The following SLC35B2 variants were observed in gnomAD, a reference collection of about 807,000 sequenced individuals.
The protein encoded by SLC35B2 is adenosine 3'-phospho 5'-phosphosulfate transporter 1.
SLC35B2 carries 19 observed loss-of-function variants against 37.9 expected under a neutral mutation model. The ratio of observed to expected loss-of-function variants is 0.50; its 90% CI spans 0.35 to 0.74. The LOEUF (loss-of-function observed/expected upper bound fraction) is 0.74, where lower values mean the gene tolerates loss of function less well. Ranked by LOEUF, SLC35B2 falls within the 30% of genes least tolerant of loss-of-function variation. The pLI is 0.01. For missense variants in SLC35B2, 633 were observed against 547.6 expected (o/e 1.16, Z -1.56); for synonymous variants, 277 against 225.2 (o/e 1.23, Z -2.06).
rs1781331687 is a variant in SLC35B2, at chr6:44,255,556, G to A, written c.449C>T (p.Thr150Met). Residue 150 changes from threonine to methionine, a missense_variant, in exon 4 of 4, where the codon ACG (threonine) becomes ATG (methionine). Thr to Met is a moderately conservative substitution (Grantham distance 81). Transcript: ENST00000393812. Reference sequence around the variant, plus strand: ...CATTAGCACCAGGAACTGCGAGTCCGTAAAGCGCTCACCCGGTGATGTGGC... The same window carrying A: ...CATTAGCACCAGGAACTGCGAGTCCATAAAGCGCTCACCCGGTGATGTGGC... Reference protein sequence around the residue: ...ATATSPGERFTDSQFLVLMNR... With the variant: ...ATATSPGERFMDSQFLVLMNR... 7 of 1,614,216 alleles carry A rather than the reference G, an allele frequency of 4.3e-6. No individual in the cohort carries two copies. Among genetic ancestry groups the A allele is most frequent in the East Asian group, 2.2e-5 (1 of 44,880 alleles).
chr6:44,257,286 T>A, intron 1 of SLC35B2, 114 bp downstream of exon 1: 1 of 1,172,786 alleles, frequency 8.5e-7, no homozygotes, highest in Non-Finnish European at 1.1e-6. Context: ...CGGGCAGCGA[T>A]ATGCTGGCCG....
rs934034301 is a variant in SLC35B2, at chr6:44,254,725, G to A, written c.1280C>T (p.Ser427Phe). The A allele has an allele frequency of 1.2e-6, 2 of 1,612,502 alleles. No individual in the cohort carries two copies. The highest frequency in any genetic ancestry group is 2.7e-5 in the African/African-American group (2 of 74,884). Reference protein sequence around the residue: ...QRGKKAVPVESPVQKV With the variant: ...QRGKKAVPVEFPVQKV ...CCACCCTCAAACCTTCTGCACAGGAGACTCAACAGGCACAGCCTTCTTTCC... is the reference window on the plus strand; with the variant it reads ...CCACCCTCAAACCTTCTGCACAGGAAACTCAACAGGCACAGCCTTCTTTCC... The change falls in exon 4 of 4, where the codon TCT becomes TTT. Residue 427 changes from serine to phenylalanine, a missense_variant. Ser to Phe is a radical substitution (Grantham distance 155, BLOSUM62 -2). Coordinates refer to ENST00000393812, the MANE Select transcript of SLC35B2 (RefSeq NM_178148.4).
chr6:44,255,350 T>TA lies in SLC35B2; in HGVS notation c.654dup (p.Lys219Ter), dbSNP rs1340715865. 2.5e-6 allele frequency: 4 copies of TA among 1,614,102 alleles called. No individual in the cohort carries two copies. Among genetic ancestry groups the TA allele is most frequent in the Non-Finnish European group, 3.4e-6 (4 of 1,180,034 alleles). ...CCCATCAGCATGACAGGGATCACCT[T>TA]AGAGGCCTTGGCCAGCACCTGGGTG... On this transcript the variant is annotated frameshift_variant, in exon 4 of 4. Transcript: ENST00000393812. LOFTEE classifies it high-confidence loss of function.
chr6:44,255,815 T>C (rs1165541880), intron 3 of SLC35B2, among the ~76,000 whole-genome samples, 171 bp from the exon 4 acceptor site: 3 of 152,200 alleles, frequency 2.0e-5, no homozygotes, highest in Non-Finnish European at 4.4e-5. Flanking sequence ...ATTCACCTTG[T>C]AGGGAATCAA....
Position 44,254,166 on chromosome 6 carries a change from C to G in SLC35B2, c.*540G>C. The G allele has an allele frequency of 4.6e-6, 1 of 217,108 alleles. No homozygotes were observed. The highest frequency in any genetic ancestry group is 1.2e-4 in the East Asian group (1 of 8,260). The allele number at this position is 217,108 out of a possible 1,614,324, so 13.4% of individuals were successfully genotyped here. The stretch of plus-strand genomic sequence containing the variant: ...AGCAAAAAGTTACATTTCTAAAGTA[C>G]CAAAACCTGCAACAGGCTCATGGAA... On this transcript the variant is annotated 3_prime_UTR_variant, in exon 4 of 4. Coordinates refer to ENST00000393812, the MANE Select transcript of SLC35B2 (RefSeq NM_178148.4).
chr6:44,257,144 G>A (rs1382110319), intron 1 of SLC35B2: 3 of 527,270 alleles, frequency 5.7e-6, no homozygotes, highest in Non-Finnish European at 9.5e-6. Flanking sequence ...CTAGCCGGCT[G>A]CTCAGGTCAG....
Position 44,255,239 on chromosome 6 carries a change from A to G in SLC35B2, c.766T>C (p.Ser256Pro). 6.2e-7 allele frequency: 1 copy of G among 1,614,250 alleles called. No homozygotes were observed. The highest frequency in any genetic ancestry group is 8.5e-7 in the Non-Finnish European group (1 of 1,180,036). The change falls in exon 4 of 4, where the codon TCC becomes CCC. Residue 256 changes from serine (S) to proline (P), a missense_variant. Coordinates refer to ENST00000393812, the MANE Select transcript of SLC35B2 (RefSeq NM_178148.4). ...ISIGVSMFLL[S>P]SGPEPRSSPA... ...GAGCTGCGGGGCTCTGGTCCGCTGG[A>G]TAGCAGAAACATGCTGACCCCAATG...
At chr6:44,257,308 G>A in intron 1 of SLC35B2, 92 bp downstream of exon 1, 8 of 1,278,628 alleles carry the variant, frequency 6.3e-6, no homozygotes, top group Non-Finnish European at 5.0e-6. Context: ...CGGCCGAGCA[G>A]CCGGGACCCC....
At position 44,255,220 on chromosome 6, in the gene SLC35B2, C is replaced by G. The variant is rs369957012; in HGVS notation, c.785G>C (p.Arg262Pro). 20 of 1,614,076 alleles carry G rather than the reference C, an allele frequency of 1.2e-5. No homozygotes were observed. Among genetic ancestry groups the G allele is most frequent in the Non-Finnish European group, 1.6e-5 (19 of 1,180,020 alleles). ...MFLLSSGPEP[R>P]SSPATTLSGL... is the part of the protein sequence containing the mutation. Reference sequence around the variant, plus strand: ...TGAGAGTGTGGTGGCTGGGGAGCTGCGGGGCTCTGGTCCGCTGGATAGCAG... The same window carrying G: ...TGAGAGTGTGGTGGCTGGGGAGCTGGGGGGCTCTGGTCCGCTGGATAGCAG... Residue 262 changes from arginine (R) to proline (P), a missense_variant, in exon 4 of 4, where the codon CGC becomes CCC. By Grantham distance (103) the Arg-to-Pro change is moderately radical. Transcript: ENST00000393812.
chr6:44,256,333 C>G lies in SLC35B2; in HGVS notation c.360+9G>C. ...AACCCAGGAAGAGAGGCTGAGCCCACCTACCCACCTGGAGCCCTGTGGCAC... is the reference window on the plus strand; with the variant it reads ...AACCCAGGAAGAGAGGCTGAGCCCAGCTACCCACCTGGAGCCCTGTGGCAC... On this transcript the variant is annotated intron_variant, in intron 3 of 3. Coordinates refer to ENST00000393812, the MANE Select transcript of SLC35B2 (RefSeq NM_178148.4). 1 of 1,599,342 alleles carries G rather than the reference C, an allele frequency of 6.3e-7. No homozygotes were observed. The highest frequency in any genetic ancestry group is 8.5e-7 in the Non-Finnish European group (1 of 1,173,122).
At position 44,255,335 on chromosome 6, in the gene SLC35B2, T is replaced by A. The variant is rs745850555; in HGVS notation, c.670A>T (p.Met224Leu). 5 of 1,614,232 alleles carry A rather than the reference T, an allele frequency of 3.1e-6. No homozygotes were observed. The Admixed American group carries it at 8.3e-5, about 27-fold the overall frequency. Residue 224 changes from methionine (M) to leucine (L), a missense_variant, in exon 4 of 4, where the codon ATG becomes TTG. Transcript: ENST00000393812. Reference sequence around the variant, plus strand: ...CGAGACACAAGCTTTCCCATCAGCATGACAGGGATCACCTTAGAGGCCTTG... The same window carrying A: ...CGAGACACAAGCTTTCCCATCAGCAAGACAGGGATCACCTTAGAGGCCTTG... ...LAKASKVIPV[M>L]LMGKLVSRRS...
chr6:44,255,321 C>A lies in SLC35B2; in HGVS notation c.684G>T (p.Lys228Asn). The A allele has an allele frequency of 6.2e-7, 1 of 1,614,258 alleles. No individual in the cohort carries two copies. ...GTTCGTAGCTGCGCCGAGACACAAG[C>A]TTTCCCATCAGCATGACAGGGATCA... ...SKVIPVMLMGKLVSRRSYEHW... is the reference protein window; with the variant it reads ...SKVIPVMLMGNLVSRRSYEHW... Residue 228 changes from lysine (K) to asparagine (N), a missense_variant, in exon 4 of 4, where the codon AAG becomes AAT. Coordinates refer to ENST00000393812, the MANE Select transcript of SLC35B2 (RefSeq NM_178148.4).
chr6:44,254,385 A>AGCT lies in SLC35B2; in HGVS notation c.*318_*320dup. ...GTGAGTCTGGAAGGTGGCAGAGCAC[A>AGCT]GCTAGGGCAAGACTTAAGGGAACTT... On this transcript the variant is annotated 3_prime_UTR_variant, in exon 4 of 4. Coordinates refer to ENST00000393812, the MANE Select transcript of SLC35B2 (RefSeq NM_178148.4). 2 of 310,074 alleles carry AGCT rather than the reference A, an allele frequency of 6.5e-6. No homozygotes were observed. Among genetic ancestry groups the AGCT allele is most frequent in the Non-Finnish European group, 1.2e-5 (2 of 164,928 alleles). The allele number at this position is 310,074 out of a possible 1,614,324, so 19.2% of individuals were successfully genotyped here.
chr6:44,256,777 C>T lies in SLC35B2; in HGVS notation c.113G>A (p.Arg38Gln). The part of the protein sequence containing the change: ...PESWTQLWFF[R>Q]FVVNAAGYAS... ...ATAGCCAGCAGCATTCACCACAAAT[C>T]GGAAGAACCATAGCTGGGTCCATGA... The change falls in exon 2 of 4, where the codon CGA (arginine) becomes CAA (glutamine). Residue 38 changes from arginine to glutamine, a missense_variant. Arg to Gln is a conservative substitution (Grantham distance 43). Coordinates refer to ENST00000393812, the MANE Select transcript of SLC35B2 (RefSeq NM_178148.4). 2 of 1,614,200 alleles carry T rather than the reference C, an allele frequency of 1.2e-6. No individual in the cohort carries two copies. Among genetic ancestry groups the T allele is most frequent in the Non-Finnish European group, 8.5e-7 (1 of 1,180,032 alleles).
intron 1 of SLC35B2, 23 bp downstream of exon 1, chr6:44,257,377 C>T (rs1450249335): frequency 7.6e-7 from 1 of 1,321,052 alleles, no homozygotes; most frequent in Non-Finnish European, 9.7e-7. Flanking sequence ...GTCACGTGAG[C>T]TCGCTGCTGC....
chr6:44,256,305 T>A (rs1338653413), intron 3 of SLC35B2, 37 bp downstream of exon 3: 1 of 1,577,946 alleles, frequency 6.3e-7, no homozygotes, highest in East Asian at 2.3e-5. Context: ...CCCACCGGCA[T>A]CCAACCCAGG....
In SLC35B2 at chr6:44,254,430, C is replaced by T; in HGVS notation, c.*276G>A. 2.4e-6 allele frequency: 1 copy of T among 415,336 alleles called. No individual in the cohort carries two copies. The highest frequency in any genetic ancestry group is 4.1e-5 in the East Asian group (1 of 24,636). The allele number at this position is 415,336 out of a possible 1,614,324, so 25.7% of individuals were successfully genotyped here. A position where few individuals can be genotyped will look rare whatever the true frequency, so the allele number is the denominator to read the frequency against. On this transcript the variant is annotated 3_prime_UTR_variant, in exon 4 of 4. Transcript: ENST00000393812. ...GAACTTGTGGGAAGAGTAACTGGAA[C>T]CTACCTATGCTCTCTTGACCCCAAA...
In SLC35B2 at chr6:44,256,751, C is replaced by T; in HGVS notation, c.139G>A (p.Ala47Thr). 2 of 1,614,208 alleles carry T rather than the reference C, an allele frequency of 1.2e-6. No homozygotes were observed. The highest frequency in any genetic ancestry group is 1.1e-5 in the South Asian group (1 of 91,088). The change falls in exon 2 of 4, where the codon GCC becomes ACC. Residue 47 changes from alanine (A) to threonine (T), a missense_variant. Ala to Thr is a moderately conservative substitution (Grantham distance 58). Transcript: ENST00000393812. ...AGGTAGCCAGGTACCATAAAGCTGGCATAGCCAGCAGCATTCACCACAAAT... is the reference window on the plus strand; with the variant it reads ...AGGTAGCCAGGTACCATAAAGCTGGTATAGCCAGCAGCATTCACCACAAAT... ...FRFVVNAAGY[A>T]SFMVPGYLLV... is the part of the protein sequence containing the mutation.
rs551150308 is a variant in SLC35B2, at chr6:44,254,752, C to T, written c.1253G>A (p.Arg418Gln). 1.9e-5 allele frequency: 30 copies of T among 1,614,016 alleles called. No homozygotes were observed. The highest frequency in any genetic ancestry group is 1.6e-4 in the Middle Eastern group (1 of 6,062). The change falls in exon 4 of 4, where the codon CGG becomes CAG. Residue 418 changes from arginine to glutamine, a missense_variant. By Grantham distance (43) the Arg-to-Gln change is conservative. Transcript: ENST00000393812. ...RVYARGRLKQ[R>Q]GKKAVPVESP... ...CTCAACAGGCACAGCCTTCTTTCCC[C>T]GTTGCTTTAGACGGCCCCGCGCGTA...
Sources: allele counts gnomAD v4.1 joint callset (sites outside exome capture counted in the v4.1 genomes callset), GRCh38; gene constraint gnomAD v4.1.1; transcripts MANE v1.5; gene names NCBI Gene and HGNC (gene_info 2026-07-23, HGNC 2026-07-21).